COG5: variants seen among roughly 807,000 people sequenced by gnomAD.
The protein encoded by COG5 is component of oligomeric golgi complex 5, also known as conserved oligomeric Golgi complex subunit 5.
Under a neutral mutation model 110.4 loss-of-function variants are expected in COG5, and 86 were observed. That is an observed-to-expected ratio of 0.78 (90% CI 0.65 to 0.93). The LOEUF is 0.93. Ranked by LOEUF, COG5 falls within the 40% of genes least tolerant of loss-of-function variation. The probability of loss-of-function intolerance (pLI) is 0.00; values close to 1 mark genes in which losing one functional copy is unlikely to be tolerated. For missense variants in COG5, 1,077 were observed against 987.0 expected (o/e 1.09, Z -1.22); for synonymous variants, 360 against 334.6 (o/e 1.08, Z -0.83).
At chr7:107,258,616 C>A in intron 14 of COG5, 1 of 567,574 alleles carries the variant, frequency 1.8e-6, no homozygotes. Flanking sequence ...TGTGGAAGCA[C>A]AATTGGTCTT....
intron 6 of COG5, among the ~76,000 whole-genome samples, chr7:107,458,432 T>C (rs7782057): frequency 6.6e-6 from 1 of 152,048 alleles, no homozygotes; most frequent in Non-Finnish European, 1.5e-5. Context: ...AAGGGGCCAA[T>C]AGAAATTATA....
intron 7 of COG5, among the ~76,000 whole-genome samples, chr7:107,393,333 C>T (rs1790760713): frequency 6.6e-6 from 1 of 152,152 alleles, no homozygotes; most frequent in South Asian, 2.1e-4. Context: ...CTCTGTGCCC[C>T]TAGGTGGTCT....
In COG5 at chr7:107,516,035, C is replaced by A. The variant is rs1193664682; in HGVS notation, c.538+11202G>T. Among the ~76,000 whole-genome samples the A allele has an allele frequency of 2.6e-5, 4 of 152,140 alleles. No individual in the cohort carries two copies. The East Asian group carries it at 7.7e-4, about 29-fold the overall frequency. Reference sequence around the variant, plus strand: ...ATTTTCATCTAGTCCCAAGACTCTTCTTAAAGAAAAATCATGAATCTATGT... The same window carrying A: ...ATTTTCATCTAGTCCCAAGACTCTTATTAAAGAAAAATCATGAATCTATGT... On this transcript the variant is annotated intron_variant, in intron 6 of 21. Transcript: ENST00000297135.
intron 14 of COG5, among the ~76,000 whole-genome samples, chr7:107,266,553 T>C (rs2237665): frequency 0.19 from 29,236 of 152,138 alleles, 3,337 homozygotes; most frequent in East Asian, 0.31. Context: ...ATTTGGTGTT[T>C]CCTATTCTTC....
intron 6 of COG5, among the ~76,000 whole-genome samples, chr7:107,444,376 C>G (rs1015879453): frequency 6.6e-6 from 1 of 152,066 alleles, no homozygotes; most frequent in African/African-American, 2.4e-5. Flanking sequence ...TCGCTCAGAG[C>G]AATAATTAAA....
chr7:107,541,496 CAAAAAA>C (rs869244428), intron 5 of COG5, among the ~76,000 whole-genome samples: 14 of 31,928 alleles, frequency 4.4e-4, no homozygotes, highest in South Asian at 1.7e-3. Context: ...GACCCTGTCT[CAAAAAA>C]AAAAAAAAAA....
chr7:107,283,824 C>G, intron 12 of COG5, 92 bp from the exon 13 acceptor site: 1 of 874,634 alleles, frequency 1.1e-6, no homozygotes, highest in South Asian at 1.4e-5. Context: ...AAAAAATGCA[C>G]CTCCCATAAA....
chr7:107,237,302 C>T (rs1801271722), intron 17 of COG5, among the ~76,000 whole-genome samples: 1 of 152,140 alleles, frequency 6.6e-6, no homozygotes, highest in Non-Finnish European at 1.5e-5. Context: ...CCAGCTGATG[C>T]TCCATGAAAT....
chr7:107,563,498 G>A (rs958067134), intron 1 of COG5: 9 of 450,228 alleles, frequency 2.0e-5, no homozygotes, highest in Non-Finnish European at 3.7e-5. Context: ...CTGCCAACGC[G>A]GTCCACAGGG....
intron 10 of COG5, among the ~76,000 whole-genome samples, chr7:107,338,150 A>G (rs1203990622): frequency 6.6e-6 from 1 of 152,178 alleles, no homozygotes; most frequent in Non-Finnish European, 1.5e-5. Context: ...ATAAGAAAAA[A>G]AAATCCTAAA....
At chr7:107,364,138 T>A (rs2129046983) in intron 8 of COG5, among the ~76,000 whole-genome samples, 1 of 152,316 alleles carries the variant, frequency 6.6e-6, no homozygotes, top group Non-Finnish European at 1.5e-5. Context: ...AATAATTTTG[T>A]TTTCCTGATA....
At chr7:107,339,200 T>C (rs1204250831) in intron 10 of COG5, among the ~76,000 whole-genome samples, 1 of 151,456 alleles carries the variant, frequency 6.6e-6, no homozygotes, top group East Asian at 1.9e-4. Flanking sequence ...AAATGGAAAA[T>C]AAAAAAGAGC....
intron 19 of COG5, among the ~76,000 whole-genome samples, chr7:107,216,260 T>G (rs1180845815): frequency 6.6e-6 from 1 of 152,178 alleles, no homozygotes; most frequent in East Asian, 1.9e-4. Context: ...AAGCAAATAT[T>G]AAATAATTTA....
chr7:107,462,386 G>A lies in COG5; in HGVS notation c.539-49754C>T, dbSNP rs911984405. 2.4e-4 allele frequency among the ~76,000 whole-genome samples: 37 copies of A among 152,138 alleles called. 1 individual carries two copies. Among genetic ancestry groups the A allele is most frequent in the African/African-American group, 8.2e-4 (34 of 41,450 alleles). The stretch of plus-strand genomic sequence containing the variant: ...TCACAGGCATACACAAAAAGACTGA[G>A]TGTATGGTGAAAGGCCTGACAAAGC... On this transcript the variant is annotated intron_variant, in intron 6 of 21. Coordinates refer to ENST00000297135, the MANE Select transcript of COG5 (RefSeq NM_006348.5).
intron 6 of COG5, among the ~76,000 whole-genome samples, chr7:107,432,751 T>C (rs1794112585): frequency 6.6e-6 from 1 of 152,126 alleles, no homozygotes; most frequent in Non-Finnish European, 1.5e-5. Context: ...AGTCCAGGGA[T>C]GCATCCATTT....
intron 7 of COG5, among the ~76,000 whole-genome samples, chr7:107,380,438 AAAG>A (rs1276038469): frequency 6.6e-6 from 1 of 152,188 alleles, no homozygotes; most frequent in Non-Finnish European, 1.5e-5. Flanking sequence ...AGAAGAAAAG[AAAG>A]AAGAATCAAT....
chr7:107,363,166 G>C (rs942794506), intron 8 of COG5, among the ~76,000 whole-genome samples: 1 of 152,152 alleles, frequency 6.6e-6, no homozygotes, highest in Non-Finnish European at 1.5e-5. Flanking sequence ...CCACTGGAAA[G>C]TCAGAGAGAC....
chr7:107,487,000 A>G (rs537214733), intron 6 of COG5, among the ~76,000 whole-genome samples: 1 of 152,342 alleles, frequency 6.6e-6, no homozygotes, highest in African/African-American at 2.4e-5. Flanking sequence ...AAAATCATAA[A>G]AATATCCAAG....
rs544390620 is a variant in COG5 at position 107,239,719 on chromosome 7, G to T, written c.1854-3032C>A. ...TTTTCATTTGTCCCAAGATATTTTT[G>T]ATTTCTCCTTTGATCCACTGGTTGT... On this transcript the variant is annotated intron_variant, in intron 17 of 21. Transcript: ENST00000297135. 6.6e-5 allele frequency among the ~76,000 whole-genome samples: 10 copies of T among 152,086 alleles called. No individual in the cohort carries two copies. In the South Asian group the frequency reaches 1.9e-3, roughly 28 times the overall value.
Sources: gnomAD v4.1 joint callset for allele counts (sites outside exome capture counted in the v4.1 genomes callset) on GRCh38, gnomAD v4.1.1 for gene constraint, MANE v1.5 for transcripts, NCBI Gene and HGNC (gene_info 2026-07-23, HGNC 2026-07-21) for gene names.